Variants in TEP1 observed in about 807,000 individuals in gnomAD.
TEP1 encodes telomerase protein component 1.
In TEP1, 241 loss-of-function variants were observed where a neutral mutation model predicts 306.3. The ratio of observed to expected loss-of-function variants is 0.79; its 90% CI spans 0.71 to 0.88. The LOEUF (loss-of-function observed/expected upper bound fraction) is 0.88, where lower values mean the gene tolerates loss of function less well. Among genes scored for constraint, TEP1 ranks in the 40% least tolerant of loss-of-function variants. The pLI is 0.00. For missense variants in TEP1, 3,051 were observed against 3,276.1 expected, an observed-to-expected ratio of 0.93 and a Z score of 1.68; for synonymous variants, 1,289 against 1,305.5, an observed-to-expected ratio of 0.99 and a Z score of 0.27.
At chr14:20,377,983 A>G (rs2139032600) in intron 39 of TEP1, 41 bp downstream of exon 39, 2 of 1,600,346 alleles carry the variant, frequency 1.2e-6, no homozygotes, top group East Asian at 2.2e-5. Context: ...TGCCTTTGCT[A>G]CTCCTCCTCA....
At chr14:20,387,558 A>AAAAAAAAAAAG (rs1449655033) in intron 18 of TEP1, among the ~76,000 whole-genome samples, 3 of 151,644 alleles carry the variant, frequency 2.0e-5, no homozygotes, top group African/African-American at 7.3e-5. Flanking sequence ...TCTCAAAAAA[A>AAAAAAAAAAAG]AAAAGAAATT....
chr14:20,399,737 C>T (rs1357520720), intron 9 of TEP1, among the ~76,000 whole-genome samples: 3 of 150,882 alleles, frequency 2.0e-5, no homozygotes, highest in Non-Finnish European at 2.9e-5. Context: ...CTAGCCACCA[C>T]GGGATTAGAC....
At position 20,381,375 on chromosome 14, in the gene TEP1, C is replaced by A; in HGVS notation, c.4585G>T (p.Asp1529Tyr). The A allele has an allele frequency of 6.2e-7, 1 of 1,614,152 alleles. No individual in the cohort carries two copies. The highest frequency in any genetic ancestry group is 8.5e-7 in the Non-Finnish European group (1 of 1,180,032). Residue 1529 changes from aspartate to tyrosine, a missense_variant, in exon 32 of 55, where the codon GAT becomes TAT. By Grantham distance (160) the Asp-to-Tyr change is radical. Coordinates refer to ENST00000262715, the MANE Select transcript of TEP1 (RefSeq NM_007110.5). The surrounding 1 kb of genome is among the most constrained non-coding windows in gnomAD (Gnocchi z 4.0). Reference sequence around the variant, plus strand: ...CAACTTCGGAAGGTGCCTGAGGCATCAGCGTCACATGTCTTCCAGAGCTGA... The same window carrying A: ...CAACTTCGGAAGGTGCCTGAGGCATAAGCGTCACATGTCTTCCAGAGCTGA... ...AAQLWKTCDA[D>Y]ASGTFRSCPP... is the part of the protein sequence containing the mutation.
chr14:20,395,914 T>C lies in TEP1; in HGVS notation c.1695A>G (p.Arg565=). Residue 565 remains arginine (R), a synonymous_variant, in exon 11 of 55, where the codon AGA becomes AGG. Transcript: ENST00000262715. ...CAATGGCATCATGGGCGTTAAGAAA[T>C]CTGAATGGAAACTGCCGACTGTGGA... ...SVIHSRQFPF[R]FLNAHDAIDA... The C allele has an allele frequency of 6.2e-7, 1 of 1,613,956 alleles. No individual in the cohort carries two copies. Among genetic ancestry groups the C allele is most frequent in the Non-Finnish European group, 8.5e-7 (1 of 1,179,978 alleles).
Position 20,381,793 on chromosome 14 carries a change from A to G in TEP1, c.4425-107T>C. On this transcript the variant is annotated intron_variant, in intron 30 of 54. Transcript: ENST00000262715. This position sits in a 1 kb window ranked among gnomAD's most constrained non-coding sequence, Gnocchi z 4.0. ...CCCCTCAAATAGCGGAAACTGGAGC[A>G]GCTGGAGCAGTAGCTCATTCATGGT... is the stretch of plus-strand genomic sequence containing the variant. 1 of 1,534,688 alleles carries G rather than the reference A, an allele frequency of 6.5e-7. No individual in the cohort carries two copies. Among genetic ancestry groups the G allele is most frequent in the East Asian group, 2.3e-5 (1 of 44,316 alleles).
At chr14:20,409,456 C>G (rs968974274) in intron 1 of TEP1, among the ~76,000 whole-genome samples, 2 of 152,186 alleles carry the variant, frequency 1.3e-5, no homozygotes, top group Non-Finnish European at 1.5e-5. Flanking sequence ...CCTAGATCTC[C>G]CTTCTGAGCT....
rs201269445 is a variant in TEP1 at position 20,381,887 on chromosome 14, C to T, written c.4424+26G>A. The stretch of plus-strand genomic sequence containing the variant: ...AGAAGGGAAGGCACAGAGAGGTCAG[C>T]GGGAGCTCTGCTGGGGCACCTGTAC... On this transcript the variant is annotated intron_variant, in intron 30 of 54. Transcript: ENST00000262715. This position sits in a 1 kb window ranked among gnomAD's most constrained non-coding sequence, Gnocchi z 4.0. 753 of 1,611,166 alleles carry T rather than the reference C, an allele frequency of 4.7e-4. 1 individual carries two copies. The highest frequency in any genetic ancestry group is 2.6e-3 in the African/African-American group (196 of 74,990).
chr14:20,377,684 G>C lies in TEP1; in HGVS notation c.5791C>G (p.Leu1931Val), dbSNP rs769720913. Residue 1931 changes from leucine (L) to valine (V), a missense_variant, in exon 40 of 55, where the codon CTC (leucine) becomes GTC (valine). Physicochemically the swap from Leu to Val is conservative, Grantham distance 32. Coordinates refer to ENST00000262715, the MANE Select transcript of TEP1 (RefSeq NM_007110.5). ...HLGSLSLSPA[L>V]SVALSPDGDR... ...CCATCTGGGCTGAGTGCCACAGAGA[G>C]GGCAGGAGAGAGAGAAAGGGAACCC... 6 of 1,614,148 alleles carry C rather than the reference G, an allele frequency of 3.7e-6. No homozygotes were observed. Among genetic ancestry groups the C allele is most frequent in the Non-Finnish European group, 5.1e-6 (6 of 1,180,030 alleles).
chr14:20,369,255 G>A (rs550425444), intron 53 of TEP1, 89 bp downstream of exon 53: 90 of 1,352,914 alleles, frequency 6.7e-5, no homozygotes, highest in East Asian at 3.7e-4. Context: ...TTATCTGCCC[G>A]CCTAGGCCTC....
Position 20,404,670 on chromosome 14 carries a change from A to T in TEP1, c.973T>A (p.Tyr325Asn). ...GGCAGCTGGACAATGGCACAGAAAT[A>T]TCGTCGCAGGTGGGGGCGACACGCC... ...LPACRPHLRRYFCAIVQLPSD... is the reference protein window; with the variant it reads ...LPACRPHLRRNFCAIVQLPSD... The change falls in exon 5 of 55, where the codon TAT becomes AAT. Residue 325 changes from tyrosine to asparagine, a missense_variant. By Grantham distance (143) the Tyr-to-Asn change is moderately radical (BLOSUM62 -2). Around this residue, in one of 3 missense-constraint regions of TEP1, gnomAD observed 1,507 missense variants for 1,550.5 expected, o/e 0.97. Transcript: ENST00000262715. 6.2e-7 allele frequency: 1 copy of T among 1,614,200 alleles called. No homozygotes were observed. Among genetic ancestry groups the T allele is most frequent in the Non-Finnish European group, 8.5e-7 (1 of 1,180,024 alleles).
chr14:20,408,970 A>G (rs1294689797), intron 1 of TEP1, among the ~76,000 whole-genome samples: 2 of 152,058 alleles, frequency 1.3e-5, no homozygotes, highest in Non-Finnish European at 2.9e-5. Context: ...AGGCCTCGCA[A>G]TATAATCTGG....
intron 5 of TEP1, among the ~76,000 whole-genome samples, chr14:20,404,282 G>A (rs560477022): frequency 1.3e-4 from 19 of 151,446 alleles, no homozygotes; most frequent in African/African-American, 4.4e-4. Context: ...TTGAACCTGG[G>A]AGGCGGAGGT....
In TEP1 at chr14:20,410,745, C is replaced by CT. The variant is rs1002437504; in HGVS notation, c.-24-2283dup. 2.4e-4 allele frequency among the ~76,000 whole-genome samples: 34 copies of CT among 140,644 alleles called. 1 individual carries two copies. Among genetic ancestry groups the CT allele is most frequent in the East Asian group, 1.6e-3 (7 of 4,510 alleles). The allele number at this position is 140,644 out of a possible 152,430, so 92.3% of individuals were successfully genotyped here. On this transcript the variant is annotated intron_variant, in intron 1 of 54. Coordinates refer to ENST00000262715, the MANE Select transcript of TEP1 (RefSeq NM_007110.5). ...GTGAGCCACTGTGCCTGGCGGACTC[C>CT]TTTTTTTTTAAGCATGTTTGCTTAT...
In TEP1 at chr14:20,390,703, G is replaced by A; in HGVS notation, c.2312C>T (p.Ser771Phe). The change falls in exon 15 of 55, where the codon TCT (serine) becomes TTT (phenylalanine). Residue 771 changes from serine to phenylalanine, a missense_variant. By Grantham distance (155) the Ser-to-Phe change is radical. Coordinates refer to ENST00000262715, the MANE Select transcript of TEP1 (RefSeq NM_007110.5). Reference sequence around the variant, plus strand: ...CACAGGAACCCTTTGGCCAGCCAGAGACAGCAGGTATTTCCCAAAAGTATT... The same window carrying A: ...CACAGGAACCCTTTGGCCAGCCAGAAACAGCAGGTATTTCCCAAAAGTATT... ...SLNTFGKYLL[S>F]LAGQRVPVDR... 1 of 1,614,220 alleles carries A rather than the reference G, an allele frequency of 6.2e-7. No homozygotes were observed. Among genetic ancestry groups the A allele is most frequent in the Non-Finnish European group, 8.5e-7 (1 of 1,180,034 alleles).
At chr14:20,404,334 G>C (rs944489349) in intron 5 of TEP1, among the ~76,000 whole-genome samples, 1 of 134,362 alleles carries the variant, frequency 7.4e-6, no homozygotes, top group South Asian at 2.3e-4. Flanking sequence ...CAGCCTGGGC[G>C]ACAAGAGTGA....
chr14:20,395,489 T>C lies in TEP1; in HGVS notation c.1889A>G (p.Glu630Gly), dbSNP rs745454302. The change falls in exon 12 of 55, where the codon GAG (glutamate) becomes GGG (glycine). Residue 630 changes from glutamate to glycine, a missense_variant. Coordinates refer to ENST00000262715, the MANE Select transcript of TEP1 (RefSeq NM_007110.5). The part of the protein sequence containing the change: ...RMAMRIPVLY[E>G]QLKREKLRVH... The stretch of plus-strand genomic sequence containing the variant: ...TCTCAGCTTCTCCCTCTTGAGCTGC[T>C]CATACAACACAGGTATCCTCATTGC... The C allele has an allele frequency of 6.8e-6, 11 of 1,610,778 alleles. No homozygotes were observed. The African/African-American group carries it at 8.0e-5, about 12-fold the overall frequency.
intron 12 of TEP1, among the ~76,000 whole-genome samples, chr14:20,394,418 G>T (rs1349579182): frequency 6.6e-6 from 1 of 150,720 alleles, no homozygotes; most frequent in African/African-American, 2.4e-5. Flanking sequence ...ATAGCCACAT[G>T]TGGCTAGTGG....
Position 20,368,297 on chromosome 14 carries a change from G to T in TEP1, c.*140C>A. On this transcript the variant is annotated 3_prime_UTR_variant, in exon 55 of 55. Transcript: ENST00000262715. The stretch of plus-strand genomic sequence containing the variant: ...TAAATCCACATGAGAACACAGGCAG[G>T]CCTACACTTGAGATTTTTTGACACT... 1.1e-6 allele frequency: 1 copy of T among 939,324 alleles called. No individual in the cohort carries two copies. Among genetic ancestry groups the T allele is most frequent in the Non-Finnish European group, 1.5e-6 (1 of 655,774 alleles). The allele number at this position is 939,324 out of a possible 1,614,324, so 58.2% of individuals were successfully genotyped here.
At position 20,405,491 on chromosome 14, in the gene TEP1, C is replaced by G; in HGVS notation, c.830G>C (p.Cys277Ser). ...DPTLAAIFEICRELALLEPEF... is the reference protein window; with the variant it reads ...DPTLAAIFEISRELALLEPEF... ...AGGCTCCAGGAGGGCAAGTTCACGA[C>G]AGATTTCAAAAATGGCAGCCAGGGT... The change falls in exon 4 of 55, where the codon TGT becomes TCT. Residue 277 changes from cysteine to serine, a missense_variant. By Grantham distance (112) the Cys-to-Ser change is moderately radical. Transcript: ENST00000262715. 2.5e-6 allele frequency: 4 copies of G among 1,614,154 alleles called. No homozygotes were observed. The highest frequency in any genetic ancestry group is 3.4e-6 in the Non-Finnish European group (4 of 1,180,044).
Sources: gnomAD v4.1 joint callset for allele counts (sites outside exome capture counted in the v4.1 genomes callset) on GRCh38, gnomAD v4.1.1 for gene constraint, gnomAD v4.1.1 regional missense constraint, Gnocchi (gnomAD v3.1) non-coding constraint, MANE v1.5 for transcripts, NCBI Gene and HGNC (gene_info 2026-07-23, HGNC 2026-07-21) for gene names.